Variants in ABCA1 observed in about 807,000 individuals in gnomAD.
The protein encoded by ABCA1 is ATP binding cassette subfamily A member 1, also known as phospholipid-transporting ATPase ABCA1.
In ABCA1, 133 loss-of-function variants were observed where a neutral mutation model predicts 262.5. The ratio of observed to expected loss-of-function variants is 0.51; its 90% CI spans 0.44 to 0.59. The LOEUF is 0.59. Among genes scored for constraint, ABCA1 ranks in the 20% least tolerant of loss-of-function variants. The pLI, the probability that ABCA1 is intolerant of heterozygous loss-of-function variation, is 0.00. For synonymous variants in ABCA1, 1,022 were observed against 1,043.5 expected (o/e 0.98, Z 0.40); for missense variants, 2,452 against 2,777.5 (o/e 0.88, Z 2.63).
In ABCA1 at chr9:104,782,968, A is replaced by C. The variant is rs1828636625; in HGVS notation, c.*1347T>G. 6.6e-6 allele frequency: 1 copy of C among 152,598 alleles called. No homozygotes were observed. Among genetic ancestry groups the C allele is most frequent in the Admixed American group, 6.6e-5 (1 of 15,266 alleles). The allele number at this position is 152,598 out of a possible 1,614,324, so 9.5% of individuals were successfully genotyped here. Reference sequence around the variant, plus strand: ...TGGCACAGGAAGTGTACTGAGACTTAATATCTCTCTAGTCTTATACGTACG... The same window carrying C: ...TGGCACAGGAAGTGTACTGAGACTTCATATCTCTCTAGTCTTATACGTACG... On this transcript the variant is annotated 3_prime_UTR_variant, in exon 50 of 50. Coordinates refer to ENST00000374736, the MANE Select transcript of ABCA1 (RefSeq NM_005502.4).
At position 104,782,020 on chromosome 9, in the gene ABCA1, T is replaced by C. The variant is rs1386819997; in HGVS notation, c.*2295A>G. 1.3e-5 allele frequency: 2 copies of C among 152,170 alleles called. No individual in the cohort carries two copies. The highest frequency in any genetic ancestry group is 2.9e-5 in the Non-Finnish European group (2 of 67,976). 9.4% of individuals were successfully genotyped at this position (152,170 alleles called of 1,614,324 possible). A position where few individuals can be genotyped will look rare whatever the true frequency, so the allele number is the denominator to read the frequency against. Reference sequence around the variant, plus strand: ...TTAAAATGTTGTGTTTTCTTCAAAATAGTTCACAGTGCCTTTTGATTTTTT... The same window carrying C: ...TTAAAATGTTGTGTTTTCTTCAAAACAGTTCACAGTGCCTTTTGATTTTTT... On this transcript the variant is annotated 3_prime_UTR_variant, in exon 50 of 50. Coordinates refer to ENST00000374736, the MANE Select transcript of ABCA1 (RefSeq NM_005502.4).
intron 42 of ABCA1, 27 bp from the exon 43 acceptor site, chr9:104,792,025 A>G (rs1293004651): frequency 6.2e-7 from 1 of 1,606,334 alleles, no homozygotes; most frequent in African/African-American, 1.3e-5. Flanking sequence ...GTAAACATTC[A>G]TAAGCCTCAG....
chr9:104,798,626 G>A (rs1306540008), intron 36 of ABCA1, 28 bp from the exon 37 acceptor site: 4 of 1,607,670 alleles, frequency 2.5e-6, no homozygotes, highest in Middle Eastern at 1.7e-4. Context: ...GTGAAAATCT[G>A]AGGGGTCTTT....
In ABCA1 at chr9:104,793,161, A is replaced by T; in HGVS notation, c.5636+10T>A. ...ACCAGGTGCTCCACGGGTTCTAAGA[A>T]AAAGCTCACCTGGGCCTGATGAAGA... On this transcript the variant is annotated intron_variant, in intron 41 of 49. Coordinates refer to ENST00000374736, the MANE Select transcript of ABCA1 (RefSeq NM_005502.4). The T allele has an allele frequency of 1.2e-6, 2 of 1,614,020 alleles. No individual in the cohort carries two copies. Among genetic ancestry groups the T allele is most frequent in the Non-Finnish European group, 1.7e-6 (2 of 1,179,934 alleles).
intron 15 of ABCA1, among the ~76,000 whole-genome samples, chr9:104,828,330 T>C (rs1832973977): frequency 6.6e-6 from 1 of 152,162 alleles, no homozygotes. Context: ...GCTGGATGTT[T>C]CAGCTCGATG....
At chr9:104,830,656 C>T (rs1011774830) in intron 14 of ABCA1, among the ~76,000 whole-genome samples, 3 of 151,818 alleles carry the variant, frequency 2.0e-5, no homozygotes, top group Admixed American at 6.6e-5. Context: ...AGCCACTGCA[C>T]TCCAGCCTGG....
rs75018246 is a variant in ABCA1 at position 104,859,772 on chromosome 9, C to T, written c.544-1074G>A. Among the ~76,000 whole-genome samples, 437 of 152,210 alleles carry T rather than the reference C, an allele frequency of 2.9e-3. 3 individuals are homozygous for T. The highest frequency in any genetic ancestry group is 9.9e-3 in the African/African-American group (409 of 41,518). ...ATGTTTAAGAATACTGACAACAGGC[C>T]GGGTGCAGTGGGTCATGTCTGTAAT... On this transcript the variant is annotated intron_variant, in intron 6 of 49. Transcript: ENST00000374736.
At chr9:104,907,981 T>TG (rs1841273918) in intron 1 of ABCA1, among the ~76,000 whole-genome samples, 1 of 152,222 alleles carries the variant, frequency 6.6e-6, no homozygotes, top group African/African-American at 2.4e-5. Context: ...AAATTTTAAC[T>TG]GCAAATGCCA....
At chr9:104,882,687 ACT>A (rs1838794497) in intron 5 of ABCA1, among the ~76,000 whole-genome samples, 1 of 152,236 alleles carries the variant, frequency 6.6e-6, no homozygotes, top group Non-Finnish European at 1.5e-5. Flanking sequence ...GCACAGAAAT[ACT>A]CTGTCTATAA....
At chr9:104,836,441 G>A (rs1022941476) in intron 11 of ABCA1, among the ~76,000 whole-genome samples, 5 of 152,198 alleles carry the variant, frequency 3.3e-5, no homozygotes, top group African/African-American at 1.2e-4. Flanking sequence ...TTCTTGCTCA[G>A]CCTGCTCCAC....
rs941926735 is a variant in ABCA1 at position 104,874,447 on chromosome 9, C to A, written c.421+8592G>T. ...AGGCCTGGTGGTAAGTGCCTGTAAT[C>A]CCAGCTATTCGGGAGGCTGAGGCAG... On this transcript the variant is annotated intron_variant, in intron 5 of 49. Transcript: ENST00000374736. 2.0e-5 allele frequency among the ~76,000 whole-genome samples: 3 copies of A among 152,160 alleles called. No homozygotes were observed. In the East Asian group the frequency reaches 5.8e-4, roughly 29 times the overall value.
At chr9:104,799,394 T>TGACACACA (rs1830146885) in intron 36 of ABCA1, 1 of 491,358 alleles carries the variant, frequency 2.0e-6, no homozygotes, top group Non-Finnish European at 2.6e-6. Context: ...GCTTTAAACT[T>TGACACACA]CACACACACA....
At chr9:104,791,618 G>T (rs371945001) in intron 43 of ABCA1, among the ~76,000 whole-genome samples, 1 of 152,082 alleles carries the variant, frequency 6.6e-6, no homozygotes, top group Non-Finnish European at 1.5e-5. Context: ...GTAGAGATGG[G>T]GTTTCACCAT....
intron 20 of ABCA1, 87 bp from the exon 21 acceptor site, chr9:104,820,156 C>T: frequency 6.6e-7 from 1 of 1,517,432 alleles, no homozygotes; most frequent in Non-Finnish European, 9.1e-7. Flanking sequence ...TGAGAATGGG[C>T]ATATTTTTCT....
intron 5 of ABCA1, among the ~76,000 whole-genome samples, chr9:104,864,071 GTC>G (rs749615939): frequency 1.3e-5 from 2 of 152,212 alleles, no homozygotes; most frequent in Admixed American, 6.5e-5. Flanking sequence ...CTTGCATGTT[GTC>G]TCTACCAGAC....
chr9:104,874,115 C>T (rs1837885969), intron 5 of ABCA1, among the ~76,000 whole-genome samples: 1 of 152,168 alleles, frequency 6.6e-6, no homozygotes, highest in African/African-American at 2.4e-5. Context: ...ATCAAAGGTC[C>T]ACCCCACTGA....
At chr9:104,802,302 C>T (rs560181639) in intron 33 of ABCA1, 143 bp from the exon 34 acceptor site, 161 of 753,020 alleles carry the variant, frequency 2.1e-4, no homozygotes, top group African/African-American at 4.7e-4. Context: ...AGAAGTTACA[C>T]GTCAGCTTCC....
Position 104,817,441 on chromosome 9 carries a change from C to A in ABCA1, c.3463-37G>T, listed in dbSNP as rs548275014. ...GAAGGAGGTGAGAACGGGTCAGGGA[C>A]GGAGCAAGGCAGAGCCACCAGCACC... On this transcript the variant is annotated intron_variant, in intron 23 of 49. Transcript: ENST00000374736. The surrounding 1 kb of genome is among the most constrained non-coding windows in gnomAD (Gnocchi z 4.7). 6.2e-7 allele frequency: 1 copy of A among 1,611,264 alleles called. No homozygotes were observed. Among genetic ancestry groups the A allele is most frequent in the South Asian group, 1.1e-5 (1 of 90,980 alleles).
Position 104,786,288 on chromosome 9 carries a change from T to A in ABCA1, c.6401+10A>T. ...ACTAGGCACTATCCCAAAGAAATTA[T>A]CTTTATTACCTATTTTTTAGATGCT... On this transcript the variant is annotated intron_variant, in intron 48 of 49. Coordinates refer to ENST00000374736, the MANE Select transcript of ABCA1 (RefSeq NM_005502.4). 1.2e-6 allele frequency: 2 copies of A among 1,607,336 alleles called. No individual in the cohort carries two copies. Among genetic ancestry groups the A allele is most frequent in the Non-Finnish European group, 8.5e-7 (1 of 1,174,080 alleles).
Sources: allele counts gnomAD v4.1 joint callset (sites outside exome capture counted in the v4.1 genomes callset), GRCh38; gene constraint gnomAD v4.1.1; non-coding constraint Gnocchi (gnomAD v3.1); transcripts MANE v1.5; gene names NCBI Gene and HGNC (gene_info 2026-07-23, HGNC 2026-07-21).